Variants in ARF4 observed in about 807,000 individuals in gnomAD.
The protein encoded by ARF4 is ARF GTPase 4.
A neutral mutation model predicts 24.3 loss-of-function variants in ARF4; 5 were observed. The ratio of observed to expected loss-of-function variants is 0.21; its 90% confidence interval spans 0.11 to 0.43. ARF4 has a LOEUF of 0.43. ARF4 is among the 20% of genes least tolerant of loss of function. The pLI is 1.00. For synonymous variants in ARF4, 62 were observed against 73.5 expected (o/e 0.84, Z 0.80); for missense variants, 107 against 213.0 (o/e 0.50, Z 3.10).
At chr3:57,586,792 A>AG (rs548715227) in intron 1 of ARF4, among the ~76,000 whole-genome samples, 68 of 152,326 alleles carry the variant, frequency 4.5e-4, no homozygotes, top group Non-Finnish European at 7.6e-4. Flanking sequence ...TATAAAACAA[A>AG]GGGGGGTGGC....
intron 3 of ARF4, among the ~76,000 whole-genome samples, chr3:57,582,419 T>C (rs1009028934): frequency 2.4e-4 from 35 of 143,152 alleles, no homozygotes; most frequent in African/African-American, 8.0e-4. Flanking sequence ...ATTTTTGTAT[T>C]TTTAGTAAAG....
At chr3:57,589,679 C>T (rs191351078) in intron 1 of ARF4, among the ~76,000 whole-genome samples, 8 of 150,536 alleles carry the variant, frequency 5.3e-5, no homozygotes, top group African/African-American at 1.7e-4. Context: ...TACCGCGCCA[C>T]GGCACTCCAG....
rs916562333 is a variant in ARF4 at position 57,575,471 on chromosome 3, A to T, written c.456+77T>A. 2.1e-6 allele frequency: 3 copies of T among 1,405,662 alleles called. No individual in the cohort carries two copies. The South Asian group carries it at 4.6e-5, about 21-fold the overall frequency. The allele number at this position is 1,405,662 out of a possible 1,614,324, so 87.1% of individuals were successfully genotyped here. A position where few individuals can be genotyped will look rare whatever the true frequency, so the allele number is the denominator to read the frequency against. On this transcript the variant is annotated intron_variant, in intron 5 of 5. Transcript: ENST00000303436. Reference sequence around the variant, plus strand: ...GTCCAAAGGAGATAATAAATGTTTAAACTGAATATTAGCTTACACAACTAT... The same window carrying T: ...GTCCAAAGGAGATAATAAATGTTTATACTGAATATTAGCTTACACAACTAT...
intron 1 of ARF4, among the ~76,000 whole-genome samples, chr3:57,590,290 G>C (rs1000012709): frequency 6.6e-6 from 1 of 151,550 alleles, no homozygotes; most frequent in Admixed American, 6.6e-5. Context: ...TTTGAGACCA[G>C]CCTGGCCAAG....
intron 1 of ARF4, among the ~76,000 whole-genome samples, chr3:57,585,266 A>G (rs2070022796): frequency 6.6e-6 from 1 of 152,256 alleles, no homozygotes; most frequent in South Asian, 2.1e-4. Context: ...TTATTTACAG[A>G]GTAAAATTTG....
At chr3:57,578,168 T>C (rs929660484) in intron 3 of ARF4, among the ~76,000 whole-genome samples, 5 of 152,174 alleles carry the variant, frequency 3.3e-5, no homozygotes, top group Non-Finnish European at 7.3e-5. Flanking sequence ...CTACAGTTTT[T>C]ATCTGCTTCA....
In ARF4 at chr3:57,597,290, G is replaced by C; in HGVS notation, c.-150C>G. 1.4e-6 allele frequency: 1 copy of C among 703,900 alleles called. No individual in the cohort carries two copies. Among genetic ancestry groups the C allele is most frequent in the Non-Finnish European group, 2.4e-6 (1 of 419,736 alleles). 43.6% of individuals were successfully genotyped at this position (703,900 alleles called of 1,614,324 possible). A position where few individuals can be genotyped will look rare whatever the true frequency, so the allele number is the denominator to read the frequency against. ...AGGCAGAAACGTCTCAGTGGCCCCT[G>C]TGCCGATGAAGATCCGGCACAGGAA... On this transcript the variant is annotated 5_prime_UTR_variant, in exon 1 of 6. Coordinates refer to ENST00000303436, the MANE Select transcript of ARF4 (RefSeq NM_001660.4).
chr3:57,573,527 A>T (rs572734014), intron 5 of ARF4, among the ~76,000 whole-genome samples: 3 of 152,186 alleles, frequency 2.0e-5, no homozygotes, highest in Non-Finnish European at 4.4e-5. Flanking sequence ...TCATACCTTC[A>T]CAGCATGGAA....
chr3:57,592,725 C>A (rs1201407680), intron 1 of ARF4, among the ~76,000 whole-genome samples: 8 of 152,122 alleles, frequency 5.3e-5, no homozygotes, highest in South Asian at 2.1e-4. Flanking sequence ...TGGCATGAAA[C>A]AGGATTTTTG....
intron 1 of ARF4, among the ~76,000 whole-genome samples, chr3:57,594,236 A>C (rs532749311): frequency 1.3e-5 from 2 of 152,330 alleles, no homozygotes; most frequent in Non-Finnish European, 1.5e-5. Flanking sequence ...AAAAAAATAA[A>C]CAAAATAAAA....
intron 1 of ARF4, among the ~76,000 whole-genome samples, chr3:57,593,357 A>T (rs546102332): frequency 1.4e-3 from 217 of 152,344 alleles, no homozygotes; most frequent in Non-Finnish European, 2.6e-3. Flanking sequence ...GGAAAAACAT[A>T]AAAAAATTAC....
intron 3 of ARF4, among the ~76,000 whole-genome samples, chr3:57,579,055 G>A (rs951646223): frequency 6.6e-6 from 1 of 151,936 alleles, no homozygotes; most frequent in African/African-American, 2.4e-5. Context: ...CCAGCATTCT[G>A]GGAGGCCGAG....
At chr3:57,577,843 CAG>C in intron 3 of ARF4, among the ~76,000 whole-genome samples, 1 of 152,024 alleles carries the variant, frequency 6.6e-6, no homozygotes, top group Middle Eastern at 3.4e-3. Flanking sequence ...TGCTTGAACT[CAG>C]GAGTTTGAGA....
chr3:57,591,528 A>T (rs1309788034), intron 1 of ARF4, among the ~76,000 whole-genome samples: 7 of 149,310 alleles, frequency 4.7e-5, no homozygotes, highest in Admixed American at 3.4e-4. Flanking sequence ...GTGCAATGGC[A>T]CGATCTCAGC....
chr3:57,584,061 C>T, intron 2 of ARF4, 54 bp from the exon 3 acceptor site: 1 of 1,224,624 alleles, frequency 8.2e-7, no homozygotes, highest in African/African-American at 1.5e-5. Context: ...AAAATAAAAC[C>T]TTTTATTGTG....
chr3:57,581,429 G>A (rs2153408807), intron 3 of ARF4, among the ~76,000 whole-genome samples: 1 of 152,178 alleles, frequency 6.6e-6, no homozygotes, highest in South Asian at 2.1e-4. Flanking sequence ...ACAAATCTAG[G>A]GATAAACCCA....
At chr3:57,576,413 G>A (rs1483114797) in intron 4 of ARF4, among the ~76,000 whole-genome samples, 1 of 151,482 alleles carries the variant, frequency 6.6e-6, no homozygotes, top group African/African-American at 2.4e-5. Context: ...AGATTGTGAT[G>A]ATGGTTGTAC....
At chr3:57,580,690 G>C (rs1018868054) in intron 3 of ARF4, among the ~76,000 whole-genome samples, 1 of 151,860 alleles carries the variant, frequency 6.6e-6, no homozygotes, top group Non-Finnish European at 1.5e-5. Context: ...CATAGCACCC[G>C]GTCCTGAAAC....
At position 57,572,085 on chromosome 3, in the gene ARF4, A is replaced by T; in HGVS notation, c.*127T>A. The T allele has an allele frequency of 1.5e-6, 1 of 686,080 alleles. No individual in the cohort carries two copies. The highest frequency in any genetic ancestry group is 2.5e-6 in the Non-Finnish European group (1 of 394,124). The allele number at this position is 686,080 out of a possible 1,614,324, so 42.5% of individuals were successfully genotyped here. A position where few individuals can be genotyped will look rare whatever the true frequency, so the allele number is the denominator to read the frequency against. On this transcript the variant is annotated 3_prime_UTR_variant, in exon 6 of 6. Coordinates refer to ENST00000303436, the MANE Select transcript of ARF4 (RefSeq NM_001660.4). The stretch of plus-strand genomic sequence containing the variant: ...TCGGTAAACAATAATTGGCAACAAA[A>T]TAAGTTTAATATTCTGCCCAAACCA...
Sources: allele counts gnomAD v4.1 joint callset (sites outside exome capture counted in the v4.1 genomes callset), GRCh38; gene constraint gnomAD v4.1.1; transcripts MANE v1.5; gene names NCBI Gene and HGNC (gene_info 2026-07-23, HGNC 2026-07-21).